The following ANKRD17 variants were observed in gnomAD, a reference collection of about 807,000 sequenced individuals.
ANKRD17 encodes the protein ankyrin repeat domain-containing protein 17.
A neutral mutation model predicts 229.7 loss-of-function variants in ANKRD17; 19 were observed. The ratio of observed to expected loss-of-function variants is 0.08; its 90% CI spans 0.06 to 0.12. ANKRD17 has a LOEUF of 0.12. Among genes scored for constraint, ANKRD17 ranks in the 10% least tolerant of loss-of-function variants. ANKRD17 has a pLI of 1.00. For missense variants in ANKRD17, 2,176 were observed against 3,176.8 expected (o/e 0.68, Z 7.57); for synonymous variants, 1,112 against 1,146.1 (o/e 0.97, Z 0.60).
rs1041414498 is a variant in ANKRD17 at position 73,258,628 on chromosome 4, G to A, written c.41C>T (p.Ala14Val). 3.4e-6 allele frequency: 5 copies of A among 1,488,018 alleles called. No homozygotes were observed. The highest frequency in any genetic ancestry group is 3.5e-6 in the Non-Finnish European group (4 of 1,128,164). The allele number at this position is 1,488,018 out of a possible 1,614,324, so 92.2% of individuals were successfully genotyped here. ...CGCCGGGGGGCTCCCTTCTCCTTCT[G>A]CAGCCGTCGCCGCCGCCACCGGAAC... Reference protein sequence around the residue: ...ATVPVAAATAAEGEGSPPAVA... With the variant: ...ATVPVAAATAVEGEGSPPAVA... Residue 14 changes from alanine to valine, a missense_variant, in exon 1 of 34, where the codon GCA becomes GTA. By Grantham distance (64) the Ala-to-Val change is moderately conservative. This residue lies in a region of ANKRD17 where 196 missense variants were observed against 190.0 expected (regional missense o/e 1.03). Transcript: ENST00000358602.
intron 3 of ANKRD17, 138 bp from the exon 4 acceptor site, chr4:73,156,304 G>T: frequency 1.9e-6 from 2 of 1,039,004 alleles, no homozygotes; most frequent in Non-Finnish European, 2.7e-6. Flanking sequence ...GGGGTACAGT[G>T]ATGCAATCAG....
intron 1 of ANKRD17, among the ~76,000 whole-genome samples, chr4:73,226,947 A>G (rs1036896701): frequency 6.6e-6 from 1 of 152,208 alleles, no homozygotes; most frequent in African/African-American, 2.4e-5. Flanking sequence ...AGAAGTATTG[A>G]ATATAAACAG....
intron 1 of ANKRD17, among the ~76,000 whole-genome samples, chr4:73,224,765 C>T (rs1704672446): frequency 1.3e-5 from 2 of 152,140 alleles, no homozygotes; most frequent in Admixed American, 1.3e-4. Flanking sequence ...GGTTAAGCAA[C>T]TTGCCCAATT....
At chr4:73,237,267 T>C (rs1465511735) in intron 1 of ANKRD17, among the ~76,000 whole-genome samples, 1 of 152,202 alleles carries the variant, frequency 6.6e-6, no homozygotes, top group African/African-American at 2.4e-5. Context: ...AAAACAAAAC[T>C]GCTCATGCAT....
At chr4:73,105,957 A>G (rs984484177) in intron 24 of ANKRD17, among the ~76,000 whole-genome samples, 1 of 152,222 alleles carries the variant, frequency 6.6e-6, no homozygotes, top group African/African-American at 2.4e-5. Context: ...GGAAAGAGTA[A>G]CTAAACCATG....
chr4:73,127,887 G>A (rs1162764564), intron 16 of ANKRD17, among the ~76,000 whole-genome samples: 1 of 152,040 alleles, frequency 6.6e-6, no homozygotes. Context: ...AAAAACAAAA[G>A]ACAAAAGGCA....
rs774832477 is a variant in ANKRD17, at chr4:73,091,630, C to T, written c.5998G>A (p.Val2000Ile). ...SSPSVRRQLF[V>I]TVVKTSNATT... ...GCATTGGATGTCTTCACAACTGTGA[C>T]AAAAAGCTGCCTTCGGACAGAAGGT... Residue 2000 changes from valine to isoleucine, a missense_variant, in exon 29 of 34, where the codon GTC becomes ATC. Physicochemically the swap from Val to Ile is conservative, Grantham distance 29. This residue lies in a region of ANKRD17 where 424 missense variants were observed against 454.0 expected (regional missense o/e 0.93). Coordinates refer to ENST00000358602, the MANE Select transcript of ANKRD17 (RefSeq NM_032217.5). 10 of 1,614,018 alleles carry T rather than the reference C, an allele frequency of 6.2e-6. No individual in the cohort carries two copies. The African/African-American group carries it at 9.3e-5, about 15-fold the overall frequency.
chr4:73,145,520 T>C (rs1730153527), intron 10 of ANKRD17, among the ~76,000 whole-genome samples: 1 of 152,214 alleles, frequency 6.6e-6, no homozygotes, highest in Non-Finnish European at 1.5e-5. Context: ...ATCTTTTGTA[T>C]GGCATTTTTT....
Position 73,113,843 on chromosome 4 carries a change from A to G in ANKRD17, c.4350T>C (p.Ala1450=). The G allele has an allele frequency of 1.2e-6, 2 of 1,613,862 alleles. No individual in the cohort carries two copies. The highest frequency in any genetic ancestry group is 8.5e-7 in the Non-Finnish European group (1 of 1,179,888). Residue 1450 remains alanine, a synonymous_variant, in exon 24 of 34, where the codon GCT becomes GCC. Coordinates refer to ENST00000358602, the MANE Select transcript of ANKRD17 (RefSeq NM_032217.5). Reference sequence around the variant, plus strand: ...AAATGCTGGCGTTTTTGTTTGCTTCAGCAGCCTGTCTATCTTTGGCTTGTA... The same window carrying G: ...AAATGCTGGCGTTTTTGTTTGCTTCGGCAGCCTGTCTATCTTTGGCTTGTA... The part of the protein sequence containing the change: ...SIVQAKDRQA[A]EANKNASILL...
At chr4:73,206,422 AAGTGAGAGAGAGAG>A (rs1442177239) in intron 1 of ANKRD17, among the ~76,000 whole-genome samples, 10 of 144,780 alleles carry the variant, frequency 6.9e-5, no homozygotes, top group Admixed American at 1.4e-4. Flanking sequence ...GAGAGAAAGA[AAGTGAGAGAGAGAG>A]AGAGAGAGAG....
rs374573956 is a variant in ANKRD17, at chr4:73,138,155, C to A, written c.3085+1376G>T. On this transcript the variant is annotated intron_variant, in intron 15 of 33. Transcript: ENST00000358602. ...AATGGTTACTGTGCTCCAACTTTCA[C>A]AGGATATTTAATAATTTTAAAAGTT... 3.4e-4 allele frequency among the ~76,000 whole-genome samples: 51 copies of A among 152,144 alleles called. No individual in the cohort carries two copies. In the East Asian group the frequency reaches 8.7e-3, roughly 26 times the overall value.
chr4:73,091,352 A>T lies in ANKRD17; in HGVS notation c.6276T>A (p.Pro2092=), dbSNP rs1722778142. 6.2e-7 allele frequency: 1 copy of T among 1,614,006 alleles called. No individual in the cohort carries two copies. Among genetic ancestry groups the T allele is most frequent in the African/African-American group, 1.3e-5 (1 of 75,012 alleles). The change falls in exon 29 of 34, where the codon CCT becomes CCA. Residue 2092 remains proline (P), a synonymous_variant. Coordinates refer to ENST00000358602, the MANE Select transcript of ANKRD17 (RefSeq NM_032217.5). ...TCCCAGAAGAACTGCTGCTGTTTGG[A>T]GGTCTAGTGTTTGTTGTTTCTACTA... The part of the protein sequence containing the change: ...PPVVETTNTR[P]PNSSSSSGSS...
intron 1 of ANKRD17, among the ~76,000 whole-genome samples, chr4:73,250,648 T>C (rs1297856568): frequency 9.5e-6 from 1 of 105,384 alleles, no homozygotes; most frequent in South Asian, 3.2e-4. Flanking sequence ...AAGACACTAA[T>C]AATGGCTCCA....
At position 73,085,184 on chromosome 4, in the gene ANKRD17, T is replaced by C. The variant is rs1390495271; in HGVS notation, c.7159+65A>G. ...ATGGTATTAAAATTATGATGAGGTT[T>C]GAAACCTGCTGTTTTTAAGAAAACA... On this transcript the variant is annotated intron_variant, in intron 30 of 33. Transcript: ENST00000358602. 6 of 1,526,316 alleles carry C rather than the reference T, an allele frequency of 3.9e-6. No homozygotes were observed. In the East Asian group the frequency reaches 1.4e-4, roughly 35 times the overall value. 94.5% of individuals were successfully genotyped at this position (1,526,316 alleles called of 1,614,324 possible).
chr4:73,240,635 A>G (rs898349018), intron 1 of ANKRD17, among the ~76,000 whole-genome samples: 1 of 151,970 alleles, frequency 6.6e-6, no homozygotes, highest in Non-Finnish European at 1.5e-5. Flanking sequence ...TAAAAAAATT[A>G]GAATTTAAAA....
At position 73,135,217 on chromosome 4, in the gene ANKRD17, A is replaced by C; in HGVS notation, c.3134T>G (p.Ile1045Ser). The change falls in exon 16 of 34, where the codon ATT (isoleucine) becomes AGT (serine). Residue 1045 changes from isoleucine (I) to serine (S), a missense_variant. Physicochemically the swap from Ile to Ser is moderately radical, Grantham distance 142. Around this residue, in one of 18 missense-constraint regions of ANKRD17, gnomAD observed 230 missense variants for 252.3 expected, o/e 0.91. Transcript: ENST00000358602. The part of the protein sequence containing the change: ...SAMSNTPTHS[I>S]AASISQPQTP... ...CTGAGGTTGGGAAATGGATGCAGCAATACTGTGGGTAGGAGTGTTTGACAT... is the reference window on the plus strand; with the variant it reads ...CTGAGGTTGGGAAATGGATGCAGCACTACTGTGGGTAGGAGTGTTTGACAT... 6.2e-7 allele frequency: 1 copy of C among 1,613,878 alleles called. No individual in the cohort carries two copies. Among genetic ancestry groups the C allele is most frequent in the Non-Finnish European group, 8.5e-7 (1 of 1,179,804 alleles).
chr4:73,170,171 C>T (rs1353726538), intron 2 of ANKRD17, among the ~76,000 whole-genome samples: 1 of 151,912 alleles, frequency 6.6e-6, no homozygotes, highest in Non-Finnish European at 1.5e-5. Flanking sequence ...AAAAGAGACC[C>T]CTTCCTTCTG....
At chr4:73,140,721 G>A (rs1729490751) in intron 14 of ANKRD17, among the ~76,000 whole-genome samples, 1 of 152,104 alleles carries the variant, frequency 6.6e-6, no homozygotes, top group Non-Finnish European at 1.5e-5. Context: ...CATAGTCTGT[G>A]CCTTTTAAAC....
chr4:73,258,418 C>G lies in ANKRD17; in HGVS notation c.251G>C (p.Ser84Thr). 2.5e-6 allele frequency: 4 copies of G among 1,610,828 alleles called. No homozygotes were observed. Among genetic ancestry groups the G allele is most frequent in the Non-Finnish European group, 3.4e-6 (4 of 1,179,354 alleles). ...AKRNRTCRPPSSSESSSDSDN... is the reference protein window; with the variant it reads ...AKRNRTCRPPTSSESSSDSDN... ...GCTGTCGCTGCTGCTTTCGCTGCTG[C>G]TGGGGGGTCGGCAAGTCCGGTTACG... is the stretch of plus-strand genomic sequence containing the variant. Residue 84 changes from serine to threonine, a missense_variant, in exon 1 of 34, where the codon AGC (serine) becomes ACC (threonine). Transcript: ENST00000358602.
Sources: gnomAD v4.1 joint callset for allele counts (sites outside exome capture counted in the v4.1 genomes callset) on GRCh38, gnomAD v4.1.1 for gene constraint, gnomAD v4.1.1 regional missense constraint, MANE v1.5 for transcripts, NCBI Gene and HGNC (gene_info 2026-07-23, HGNC 2026-07-21) for gene names.